The following IQGAP1 variants were observed in gnomAD, a reference collection of about 807,000 sequenced individuals.
IQGAP1 encodes the protein IQ motif containing GTPase activating protein 1, also known as ras GTPase-activating-like protein IQGAP1.
In IQGAP1, 66 loss-of-function variants were observed where a neutral mutation model predicts 215.6. The observed-to-expected ratio is 0.31, with a 90% CI of 0.25 to 0.38. The LOEUF is 0.38. Among genes scored for constraint, IQGAP1 ranks in the 10% least tolerant of loss-of-function variants. IQGAP1 has a pLI of 1.00. For synonymous variants in IQGAP1, 772 were observed against 728.7 expected, an observed-to-expected ratio of 1.06 and a Z score of -0.96; for missense variants, 1,712 against 1,997.1, an observed-to-expected ratio of 0.86 and a Z score of 2.72.
chr15:90,407,070 G>A (rs1213049491), intron 2 of IQGAP1, among the ~76,000 whole-genome samples: 5 of 152,134 alleles, frequency 3.3e-5, no homozygotes, highest in Admixed American at 3.3e-4. Context: ...TTAGATTTGT[G>A]GTAGGTTATT....
intron 9 of IQGAP1, among the ~76,000 whole-genome samples, chr15:90,446,836 C>T (rs1424778479): frequency 1.3e-5 from 2 of 151,994 alleles, no homozygotes; most frequent in Admixed American, 6.6e-5. Context: ...AGTTATATAA[C>T]TAAAGTTCAG....
chr15:90,414,448 G>C (rs1965015061), intron 2 of IQGAP1, among the ~76,000 whole-genome samples: 1 of 151,982 alleles, frequency 6.6e-6, no homozygotes, highest in South Asian at 2.1e-4. Flanking sequence ...ACTCCACTAA[G>C]ACTCCCCTTA....
chr15:90,460,966 T>G (rs1364313269), intron 15 of IQGAP1, among the ~76,000 whole-genome samples: 1 of 130,224 alleles, frequency 7.7e-6, no homozygotes, highest in Non-Finnish European at 1.5e-5. Context: ...ACCACTGCAC[T>G]CCAGCCTGAG....
chr15:90,418,623 C>T (rs191037502), intron 2 of IQGAP1, among the ~76,000 whole-genome samples: 1 of 152,080 alleles, frequency 6.6e-6, no homozygotes, highest in African/African-American at 2.4e-5. Flanking sequence ...TTAAAGATAG[C>T]CTTTTGTATA....
At chr15:90,439,200 G>T in intron 5 of IQGAP1, 132 bp from the exon 6 acceptor site, 2 of 493,370 alleles carry the variant, frequency 4.1e-6, no homozygotes, top group Non-Finnish European at 3.7e-6. Flanking sequence ...CTACAAAGGA[G>T]ACTGTCGTAG....
At position 90,456,374 on chromosome 15, in the gene IQGAP1, G is replaced by C. The variant is rs1965680559; in HGVS notation, c.1776+59G>C. 7.8e-5 allele frequency: 120 copies of C among 1,538,666 alleles called. No individual in the cohort carries two copies. In the South Asian group the frequency reaches 1.3e-3, roughly 17 times the overall value. ...AGCACCTCAGCCCTCCTAGAACAAA[G>C]GTAGAGGTAGGAATATCTTCCTTGA... On this transcript the variant is annotated intron_variant, in intron 15 of 37. Coordinates refer to ENST00000268182, the MANE Select transcript of IQGAP1 (RefSeq NM_003870.4).
At chr15:90,472,802 C>T (rs1006019167) in intron 18 of IQGAP1, 38 bp from the exon 19 acceptor site, 1 of 1,567,714 alleles carries the variant, frequency 6.4e-7, no homozygotes, top group Admixed American at 1.8e-5. Flanking sequence ...TCCATTCTTG[C>T]CTGTGAATGT....
intron 14 of IQGAP1, 145 bp from the exon 15 acceptor site, chr15:90,456,007 C>G: frequency 1.6e-6 from 1 of 612,960 alleles, no homozygotes. Context: ...AAAATGAAAA[C>G]AGTGCTGCTT....
At chr15:90,441,713 T>G (rs1182323079) in intron 8 of IQGAP1, 29 bp downstream of exon 8, 13 of 1,460,166 alleles carry the variant, frequency 8.9e-6, no homozygotes, top group Non-Finnish European at 1.2e-5. Context: ...TTCTTTCTAA[T>G]TAATTTATAT....
Position 90,388,493 on chromosome 15 carries a change from G to A in IQGAP1, c.55+97G>A. On this transcript the variant is annotated intron_variant, in intron 1 of 37. Transcript: ENST00000268182. ...GGCTCGGCCGGGCGGGTGGGGCAGG[G>A]CGGCTGCCGGCAGCTCGGACCCGGA... 3 of 1,057,706 alleles carry A rather than the reference G, an allele frequency of 2.8e-6. 1 individual carries two copies. The allele number at this position is 1,057,706 out of a possible 1,614,324, so 65.5% of individuals were successfully genotyped here.
chr15:90,457,770 A>G (rs1965706372), intron 15 of IQGAP1, among the ~76,000 whole-genome samples: 1 of 152,044 alleles, frequency 6.6e-6, no homozygotes, highest in South Asian at 2.1e-4. Flanking sequence ...TGAATTTTTA[A>G]TTTTGGTTAA....
chr15:90,463,073 A>G (rs570413026), intron 15 of IQGAP1, among the ~76,000 whole-genome samples: 46 of 152,224 alleles, frequency 3.0e-4, no homozygotes, highest in Admixed American at 1.0e-3. Context: ...GGTGTAGTGT[A>G]TGCTGTCTCT....
Position 90,502,055 on chromosome 15 carries a change from T to G in IQGAP1, c.*1947T>G, listed in dbSNP as rs1435012094. 1 of 152,658 alleles carries G rather than the reference T, an allele frequency of 6.6e-6. No homozygotes were observed. Among genetic ancestry groups the G allele is most frequent in the African/African-American group, 2.4e-5 (1 of 41,460 alleles). The allele number at this position is 152,658 out of a possible 1,614,324, so 9.5% of individuals were successfully genotyped here. A position where few individuals can be genotyped will look rare whatever the true frequency, so the allele number is the denominator to read the frequency against. On this transcript the variant is annotated 3_prime_UTR_variant, in exon 38 of 38. Transcript: ENST00000268182. ...GGCGTTGAAACCACACAGTTCTCAT[T>G]ACTGTTATTTATTAGCTGTAGCATT...
intron 26 of IQGAP1, among the ~76,000 whole-genome samples, chr15:90,478,486 C>T (rs28651333): frequency 0.19 from 28,598 of 152,084 alleles, 2,814 homozygotes; most frequent in South Asian, 0.23. Flanking sequence ...GAAGAGACAC[C>T]AACCAGGTAC....
chr15:90,458,577 TC>T (rs1353256990), intron 15 of IQGAP1, among the ~76,000 whole-genome samples: 2 of 152,224 alleles, frequency 1.3e-5, no homozygotes, highest in African/African-American at 2.4e-5. Context: ...AGATTCTGAA[TC>T]AGTAGAATTA....
At position 90,422,112 on chromosome 15, in the gene IQGAP1, CCT is replaced by C. The variant is rs144521907; in HGVS notation, c.156-3997_156-3996del. Among the ~76,000 whole-genome samples the C allele has an allele frequency of 7.0e-3, 1,062 of 152,168 alleles. 11 individuals are homozygous for C. Among genetic ancestry groups the C allele is most frequent in the African/African-American group, 0.025 (1,018 of 41,514 alleles). ...CTTCTTGGTATTTCTGCGATTTTTC[CCT>C]TTTTAGACAGCCTGTGGAGCTCAAC... On this transcript the variant is annotated intron_variant, in intron 2 of 37. Coordinates refer to ENST00000268182, the MANE Select transcript of IQGAP1 (RefSeq NM_003870.4).
chr15:90,426,298 C>T (rs1347046739), intron 3 of IQGAP1, 32 bp downstream of exon 3: 1 of 1,572,874 alleles, frequency 6.4e-7, no homozygotes, highest in South Asian at 1.2e-5. Context: ...GCTTAGATTT[C>T]TGTCAACTTG....
chr15:90,488,216 G>A (rs147073581), intron 33 of IQGAP1, among the ~76,000 whole-genome samples: 3 of 128,530 alleles, frequency 2.3e-5, no homozygotes, highest in Admixed American at 7.6e-5. Flanking sequence ...GCGAGACTCC[G>A]TCTCAAAAAA....
chr15:90,409,188 G>C (rs1332593818), intron 2 of IQGAP1, among the ~76,000 whole-genome samples: 3 of 147,890 alleles, frequency 2.0e-5, no homozygotes, highest in Non-Finnish European at 4.5e-5. Context: ...TAGATACCCT[G>C]ATTGTTTTCC....
Sources: gnomAD v4.1 joint callset for allele counts (sites outside exome capture counted in the v4.1 genomes callset) on GRCh38, gnomAD v4.1.1 for gene constraint, MANE v1.5 for transcripts, NCBI Gene and HGNC (gene_info 2026-07-23, HGNC 2026-07-21) for gene names.